Variants in CEP83 observed in about 807,000 individuals in gnomAD.
CEP83 encodes the protein centrosomal protein 83.
In CEP83, 70 loss-of-function variants were observed where a neutral mutation model predicts 101.9. The ratio of observed to expected loss-of-function variants is 0.69; its 90% CI spans 0.57 to 0.84. CEP83 has a LOEUF of 0.84. Ranked by LOEUF, CEP83 falls within the 40% of genes least tolerant of loss-of-function variation. The probability of loss-of-function intolerance (pLI) is 0.00; values close to 1 mark genes in which losing one functional copy is unlikely to be tolerated. For missense variants in CEP83, 715 were observed against 787.2 expected (o/e 0.91, Z 1.10); for synonymous variants, 264 against 267.9 (o/e 0.99, Z 0.14).
At chr12:94,379,527 G>GT (rs1286957135) in intron 6 of CEP83, among the ~76,000 whole-genome samples, 1 of 152,138 alleles carries the variant, frequency 6.6e-6, no homozygotes, top group Non-Finnish European at 1.5e-5. Flanking sequence ...ATTGATGAGA[G>GT]TTTTTAAATG....
chr12:94,435,993 C>T (rs1427144826), intron 1 of CEP83, among the ~76,000 whole-genome samples: 2 of 151,950 alleles, frequency 1.3e-5, no homozygotes, highest in Admixed American at 6.6e-5. Context: ...ACAATCACCT[C>T]AGTCTGGCTC....
chr12:94,307,093 TTATC>T (rs1481659237), downstream of CEP83: 1 of 152,144 alleles, frequency 6.6e-6, no homozygotes. Context: ...AGCTACAGCT[TTATC>T]TAAGTATTTA....
intron 2 of CEP83, chr12:94,424,169 T>C: frequency 6.2e-7 from 1 of 1,603,946 alleles, no homozygotes; most frequent in Non-Finnish European, 8.5e-7. Context: ...GGGGGTGATG[T>C]TATAAGGGGC....
At chr12:94,358,846 A>G (rs2060606276) in intron 11 of CEP83, among the ~76,000 whole-genome samples, 1 of 152,256 alleles carries the variant, frequency 6.6e-6, no homozygotes, top group African/African-American at 2.4e-5. Flanking sequence ...AAGTCTGGCC[A>G]TAAACTGGCC....
intron 9 of CEP83, 44 bp from the exon 10 acceptor site, chr12:94,368,245 T>G: frequency 6.7e-7 from 1 of 1,487,190 alleles, no homozygotes; most frequent in Non-Finnish European, 9.1e-7. Flanking sequence ...TCAATGTTAT[T>G]AAGATGAAAA....
At chr12:94,421,818 T>C (rs1011244373) in intron 2 of CEP83, among the ~76,000 whole-genome samples, 1 of 152,232 alleles carries the variant, frequency 6.6e-6, no homozygotes, top group Admixed American at 6.5e-5. Context: ...TACTAAATAT[T>C]GGAGGCAACT....
At chr12:94,376,811 C>T (rs967636565) in intron 7 of CEP83, among the ~76,000 whole-genome samples, 3 of 151,234 alleles carry the variant, frequency 2.0e-5, no homozygotes, top group Non-Finnish European at 2.9e-5. Context: ...ACGATCTTGG[C>T]TCACCACAAC....
At chr12:94,365,800 G>T (rs2060996053) in intron 11 of CEP83, among the ~76,000 whole-genome samples, 2 of 149,522 alleles carry the variant, frequency 1.3e-5, no homozygotes, top group South Asian at 2.1e-4. Context: ...ACAAAATATT[G>T]GAAATTAAAT....
At chr12:94,446,138 C>T (rs936600416) in intron 1 of CEP83, among the ~76,000 whole-genome samples, 1 of 152,220 alleles carries the variant, frequency 6.6e-6, no homozygotes, top group Non-Finnish European at 1.5e-5. Context: ...TAACCCACCA[C>T]CACTATGACC....
chr12:94,356,463 G>T (rs1181263186), intron 11 of CEP83, among the ~76,000 whole-genome samples: 1 of 152,152 alleles, frequency 6.6e-6, no homozygotes, highest in African/African-American at 2.4e-5. Flanking sequence ...GTGAAAAATA[G>T]CTGCCCCAGT....
the CEP83 span, among the ~76,000 whole-genome samples, chr12:94,268,723 T>C: frequency 6.8e-6 from 1 of 146,142 alleles, no homozygotes; most frequent in Non-Finnish European, 1.5e-5. Flanking sequence ...GCCTCCCAAA[T>C]ACCTGGGATT....
the CEP83 span, among the ~76,000 whole-genome samples, chr12:94,299,884 C>T: frequency 1.3e-5 from 2 of 152,086 alleles, no homozygotes; most frequent in South Asian, 2.1e-4. Context: ...ATCTCCAGTC[C>T]CTGCCACTCC....
chr12:94,400,666 A>G (rs1003460290), intron 6 of CEP83, among the ~76,000 whole-genome samples, 184 bp downstream of exon 6: 5 of 151,664 alleles, frequency 3.3e-5, no homozygotes, highest in African/African-American at 1.2e-4. Flanking sequence ...AAAGATCTAC[A>G]CCCAAAACAG....
chr12:94,449,023 G>GAAAAAAAA (rs34981223), intron 1 of CEP83, among the ~76,000 whole-genome samples: 1 of 120,020 alleles, frequency 8.3e-6, no homozygotes. Context: ...CAACAAAATC[G>GAAAAAAAA]AAAAAAAAAA....
rs56372938 is a variant in CEP83 at position 94,413,825 on chromosome 12, TACACACACACACAC to T, written c.-101-1248_-101-1235del. On this transcript the variant is annotated intron_variant, in intron 2 of 16. Transcript: ENST00000397809. ...TTTCTTTCTCTAGTCCCATAATACA[TACACACACACACAC>T]ACACACACACACACACACACACACA... Among the ~76,000 whole-genome samples the T allele has an allele frequency of 6.4e-5, 9 of 140,492 alleles. No individual in the cohort carries two copies. The South Asian group carries it at 9.5e-4, about 15-fold the overall frequency. The allele number at this position is 140,492 out of a possible 152,430, so 92.2% of individuals were successfully genotyped here.
chr12:94,407,189 G>A (rs370170929), intron 4 of CEP83, among the ~76,000 whole-genome samples: 14 of 152,198 alleles, frequency 9.2e-5, no homozygotes, highest in African/African-American at 3.4e-4. Flanking sequence ...GTCTCCAAAG[G>A]AGGTGAAAGA....
At chr12:94,300,739 TTTC>T in the CEP83 span, among the ~76,000 whole-genome samples, 1 of 152,214 alleles carries the variant, frequency 6.6e-6, no homozygotes, top group East Asian at 1.9e-4. Flanking sequence ...CAGTTAACCC[TTTC>T]TTCTTCTCTC....
the CEP83 span, among the ~76,000 whole-genome samples, chr12:94,290,346 A>T: frequency 6.6e-6 from 1 of 152,272 alleles, no homozygotes; most frequent in Non-Finnish European, 1.5e-5. Context: ...ATTGCATCAA[A>T]TATGGAGGAG....
chr12:94,299,562 A>G, the CEP83 span, among the ~76,000 whole-genome samples: 1 of 141,080 alleles, frequency 7.1e-6, no homozygotes, highest in Non-Finnish European at 1.6e-5. Context: ...CCTGTGTTCT[A>G]GCCTCTTTTT....
Sources: allele counts gnomAD v4.1 joint callset (sites outside exome capture counted in the v4.1 genomes callset), GRCh38; gene constraint gnomAD v4.1.1; transcripts MANE v1.5; gene names NCBI Gene and HGNC (gene_info 2026-07-23, HGNC 2026-07-21).